Variants in ABI1 observed in about 807,000 individuals in gnomAD.
ABI1 encodes abl interactor 1, also known as Abelson interactor 1.
A neutral mutation model predicts 54.6 loss-of-function variants in ABI1; 14 were observed. The ratio of observed to expected loss-of-function variants is 0.26; its 90% CI spans 0.17 to 0.40. The LOEUF (loss-of-function observed/expected upper bound fraction) is 0.40, where lower values mean the gene tolerates loss of function less well. Ranked by LOEUF, ABI1 falls within the 10% of genes least tolerant of loss-of-function variation. ABI1 has a pLI of 1.00. For missense variants in ABI1, 443 were observed against 598.3 expected (o/e 0.74, Z 2.71); for synonymous variants, 194 against 209.3 (o/e 0.93, Z 0.63).
intron 2 of ABI1, among the ~76,000 whole-genome samples, chr10:26,797,116 A>G (rs550660469): frequency 5.3e-5 from 8 of 152,330 alleles, no homozygotes; most frequent in African/African-American, 1.4e-4. Flanking sequence ...TATACACAGT[A>G]AAATTTATTT....
At chr10:26,838,994 G>C (rs572484459) in intron 1 of ABI1, among the ~76,000 whole-genome samples, 1 of 152,132 alleles carries the variant, frequency 6.6e-6, no homozygotes, top group Admixed American at 6.5e-5. Context: ...TCTGCATACC[G>C]CATGAATTTT....
At chr10:26,841,344 C>T (rs1441582025) in intron 1 of ABI1, among the ~76,000 whole-genome samples, 1 of 150,158 alleles carries the variant, frequency 6.7e-6, no homozygotes, top group Non-Finnish European at 1.5e-5. Context: ...ATATAGAAAG[C>T]AAAATGGTTA....
intron 2 of ABI1, among the ~76,000 whole-genome samples, chr10:26,822,317 A>C (rs1052058089): frequency 6.6e-6 from 1 of 152,226 alleles, no homozygotes; most frequent in Non-Finnish European, 1.5e-5. Flanking sequence ...AGGTTCTTCT[A>C]AAGTGAAACA....
rs932118100 is a variant in ABI1 at position 26,836,098 on chromosome 10, T to C, written c.118-12793A>G. On this transcript the variant is annotated intron_variant, in intron 1 of 10. Transcript: ENST00000376140. ...ATGACATGGATAATTCTCTTGATAGTATCTTTTTTTGTTGTTTGTTTTTTG... is the reference window on the plus strand; with the variant it reads ...ATGACATGGATAATTCTCTTGATAGCATCTTTTTTTGTTGTTTGTTTTTTG... Among the ~76,000 whole-genome samples, 12 of 151,920 alleles carry C rather than the reference T, an allele frequency of 7.9e-5. No individual in the cohort carries two copies. In the South Asian group the frequency reaches 1.9e-3, roughly 24 times the overall value.
intron 2 of ABI1, among the ~76,000 whole-genome samples, chr10:26,798,120 T>C (rs76820797): frequency 2.4e-3 from 360 of 152,220 alleles, no homozygotes; most frequent in African/African-American, 8.4e-3. Flanking sequence ...GCAGAAAACA[T>C]GAACAAGGCT....
Position 26,825,332 on chromosome 10 carries a change from C to T in ABI1, c.118-2027G>A, listed in dbSNP as rs532962524. Among the ~76,000 whole-genome samples the T allele has an allele frequency of 2.0e-5, 3 of 152,028 alleles. No individual in the cohort carries two copies. The South Asian group carries it at 6.2e-4, about 32-fold the overall frequency. On this transcript the variant is annotated intron_variant, in intron 1 of 10. Transcript: ENST00000376140. ...CTTAAGCCCAAGAGTTTGAGGACAGCCTGGGCAACACAGTGAGACCCTGTC... is the reference window on the plus strand; with the variant it reads ...CTTAAGCCCAAGAGTTTGAGGACAGTCTGGGCAACACAGTGAGACCCTGTC...
rs141713568 is a variant in ABI1, at chr10:26,767,541, G to T, written c.719+1311C>A. On this transcript the variant is annotated intron_variant, in intron 6 of 10. Transcript: ENST00000376140. Reference sequence around the variant, plus strand: ...TTGAAGTGGCTATATTTTGGGGGAAGAAGGTCGAGGCGATAACCAGGAAGG... The same window carrying T: ...TTGAAGTGGCTATATTTTGGGGGAATAAGGTCGAGGCGATAACCAGGAAGG... Among the ~76,000 whole-genome samples, 467 of 152,254 alleles carry T rather than the reference G, an allele frequency of 3.1e-3. 1 individual carries two copies. Among genetic ancestry groups the T allele is most frequent in the African/African-American group, 0.01 (431 of 41,546 alleles).
At chr10:26,766,740 G>A (rs1400567861) in intron 6 of ABI1, among the ~76,000 whole-genome samples, 4 of 152,060 alleles carry the variant, frequency 2.6e-5, no homozygotes, top group African/African-American at 9.7e-5. Context: ...ATTATGGCCT[G>A]TGGGCTAAAA....
At chr10:26,827,240 G>A (rs2048360009) in intron 1 of ABI1, among the ~76,000 whole-genome samples, 2 of 138,966 alleles carry the variant, frequency 1.4e-5, no homozygotes, top group East Asian at 4.4e-4. Context: ...TTTTTATCTC[G>A]AGACAGAGTC....
Position 26,753,458 on chromosome 10 carries a change from C to A in ABI1, c.1085-1675G>T, listed in dbSNP as rs115188791. ...TTATCACATTAGTTTAATGTTTTCA[C>A]GAAATTGTCTTTATGTCCAACTGCT... is the stretch of plus-strand genomic sequence containing the variant. On this transcript the variant is annotated intron_variant, in intron 9 of 10. Coordinates refer to ENST00000376140, the MANE Select transcript of ABI1 (RefSeq NM_001012750.3). 5.9e-5 allele frequency among the ~76,000 whole-genome samples: 9 copies of A among 152,232 alleles called. No homozygotes were observed. In the East Asian group the frequency reaches 1.7e-3, roughly 29 times the overall value.
intron 1 of ABI1, among the ~76,000 whole-genome samples, chr10:26,847,368 T>G (rs1225425873): frequency 6.6e-6 from 1 of 152,092 alleles, no homozygotes; most frequent in Non-Finnish European, 1.5e-5. Context: ...ACGCCGGTAA[T>G]CTTAACTCTT....
At chr10:26,749,805 TACTC>T (rs749263032) in intron 10 of ABI1, among the ~76,000 whole-genome samples, 131 of 152,366 alleles carry the variant, frequency 8.6e-4, no homozygotes, top group Non-Finnish European at 1.6e-3. Flanking sequence ...CACATCTACT[TACTC>T]ATGTATTGTC....
intron 7 of ABI1, among the ~76,000 whole-genome samples, chr10:26,760,228 A>G (rs1838952833): frequency 6.6e-6 from 1 of 152,206 alleles, no homozygotes; most frequent in Admixed American, 6.5e-5. Flanking sequence ...TAGAGTTCAA[A>G]GCCTCTAAAG....
At chr10:26,778,829 A>G (rs532368417) in intron 2 of ABI1, among the ~76,000 whole-genome samples, 3 of 152,298 alleles carry the variant, frequency 2.0e-5, no homozygotes, top group African/African-American at 7.2e-5. Context: ...GACCTCCAGG[A>G]GAAAGGTTTT....
chr10:26,762,814 G>C (rs1354477831), intron 7 of ABI1, among the ~76,000 whole-genome samples: 1 of 152,088 alleles, frequency 6.6e-6, no homozygotes. Flanking sequence ...AGTGCTCTAG[G>C]GTAAATATGT....
chr10:26,761,618 A>T (rs1839174233), intron 7 of ABI1, among the ~76,000 whole-genome samples: 1 of 7,796 alleles, frequency 1.3e-4, no homozygotes, highest in Non-Finnish European at 2.6e-4. Context: ...AGTTTTTGTC[A>T]TATATATATA....
intron 3 of ABI1, among the ~76,000 whole-genome samples, chr10:26,775,425 T>C (rs1198270250): frequency 6.6e-6 from 1 of 152,058 alleles, no homozygotes; most frequent in South Asian, 2.1e-4. Context: ...CACAGAACTA[T>C]ACACCTAAAA....
intron 2 of ABI1, among the ~76,000 whole-genome samples, chr10:26,792,554 T>C (rs905809440): frequency 6.6e-6 from 1 of 151,634 alleles, no homozygotes; most frequent in Non-Finnish European, 1.5e-5. Flanking sequence ...TAATTAAGAG[T>C]TGAAGAAAAG....
intron 2 of ABI1, among the ~76,000 whole-genome samples, chr10:26,814,000 T>G (rs774902251): frequency 1.3e-5 from 2 of 152,134 alleles, no homozygotes; most frequent in East Asian, 3.8e-4. Flanking sequence ...GAGCACTGAC[T>G]CAGTTAGTGT....
Sources: allele counts gnomAD v4.1 joint callset (sites outside exome capture counted in the v4.1 genomes callset), GRCh38; gene constraint gnomAD v4.1.1; transcripts MANE v1.5; gene names NCBI Gene and HGNC (gene_info 2026-07-23, HGNC 2026-07-21).